Variants in PTPRR observed in about 807,000 individuals in gnomAD.
PTPRR encodes the protein protein tyrosine phosphatase receptor type R.
Under a neutral mutation model 77.2 loss-of-function variants are expected in PTPRR, and 38 were observed. The observed-to-expected ratio is 0.49, with a 90% CI of 0.38 to 0.65. The LOEUF (loss-of-function observed/expected upper bound fraction) is 0.65, where lower values mean the gene tolerates loss of function less well. PTPRR is among the 30% of genes least tolerant of loss of function. PTPRR has a pLI of 0.00. For synonymous variants in PTPRR, 299 were observed against 283.1 expected, an observed-to-expected ratio of 1.06 and a Z score of -0.57; for missense variants, 744 against 799.2, an observed-to-expected ratio of 0.93 and a Z score of 0.83.
intron 6 of PTPRR, among the ~76,000 whole-genome samples, chr12:70,712,087 A>T (rs945544169): frequency 6.6e-6 from 1 of 152,090 alleles, no homozygotes; most frequent in African/African-American, 2.4e-5. Context: ...TTCACCTTGG[A>T]ATTTCAGAGT....
At chr12:70,762,419 C>T (rs1890714233) in intron 3 of PTPRR, among the ~76,000 whole-genome samples, 1 of 152,130 alleles carries the variant, frequency 6.6e-6, no homozygotes, top group Non-Finnish European at 1.5e-5. Flanking sequence ...ACATGGAGAG[C>T]TCTCATGCTA....
At chr12:70,818,829 C>CA (rs35521772) in intron 2 of PTPRR, among the ~76,000 whole-genome samples, 68 of 150,656 alleles carry the variant, frequency 4.5e-4, no homozygotes, top group South Asian at 8.4e-4. Flanking sequence ...GTATCTATTC[C>CA]AAAAAAAAAT....
At chr12:70,689,704 G>C (rs1887990996) in intron 8 of PTPRR, among the ~76,000 whole-genome samples, 1 of 152,136 alleles carries the variant, frequency 6.6e-6, no homozygotes, top group South Asian at 2.1e-4. Context: ...GAGGTTCCCT[G>C]CTGGGAGCCT....
intron 2 of PTPRR, among the ~76,000 whole-genome samples, chr12:70,830,118 A>G (rs1353367694): frequency 6.6e-6 from 1 of 152,142 alleles, no homozygotes; most frequent in Non-Finnish European, 1.5e-5. Flanking sequence ...ACAAACAAAA[A>G]AGCGTGCTCC....
chr12:70,744,477 G>A (rs1890149652), intron 6 of PTPRR, among the ~76,000 whole-genome samples: 1 of 152,194 alleles, frequency 6.6e-6, no homozygotes, highest in African/African-American at 2.4e-5. Context: ...TGGAGTCAAA[G>A]GGTTCAGTGT....
At position 70,639,073 on chromosome 12, in the gene PTPRR, G is replaced by A. The variant is rs946971383; in HGVS notation, c.*111C>T. 1.2e-6 allele frequency: 1 copy of A among 851,556 alleles called. No homozygotes were observed. Among genetic ancestry groups the A allele is most frequent in the Admixed American group, 2.1e-5 (1 of 47,028 alleles). 52.8% of individuals were successfully genotyped at this position (851,556 alleles called of 1,614,324 possible). ...CTTCCACAATCCATGCCATACATGG[G>A]CTTCAGAGCTTCTCCTTCCTTCCAT... On this transcript the variant is annotated 3_prime_UTR_variant, in exon 14 of 14. Coordinates refer to ENST00000283228, the MANE Select transcript of PTPRR (RefSeq NM_002849.4).
chr12:70,651,901 T>TAAA (rs34627900), intron 13 of PTPRR, among the ~76,000 whole-genome samples: 4 of 147,662 alleles, frequency 2.7e-5, no homozygotes, highest in African/African-American at 9.9e-5. Context: ...GGTTCCTCAT[T>TAAA]AAAAAAAAAA....
intron 2 of PTPRR, among the ~76,000 whole-genome samples, chr12:70,875,264 A>G (rs1278956708): frequency 6.6e-6 from 1 of 152,242 alleles, no homozygotes; most frequent in East Asian, 1.9e-4. Flanking sequence ...TGTAGAATAC[A>G]AAACAACACA....
intron 2 of PTPRR, among the ~76,000 whole-genome samples, chr12:70,769,427 A>C (rs929980071): frequency 9.2e-5 from 14 of 152,208 alleles, no homozygotes; most frequent in African/African-American, 3.1e-4. Context: ...CAAAGAATAT[A>C]AAATACTTAG....
In PTPRR at chr12:70,861,786, A is replaced by G. The variant is rs746275267; in HGVS notation, c.357+30893T>C. Among the ~76,000 whole-genome samples the G allele has an allele frequency of 3.7e-4, 57 of 152,274 alleles. 1 individual carries two copies. The highest frequency in any genetic ancestry group is 2.5e-4 in the Non-Finnish European group (17 of 68,014). On this transcript the variant is annotated intron_variant, in intron 2 of 13. Coordinates refer to ENST00000283228, the MANE Select transcript of PTPRR (RefSeq NM_002849.4). ...TAAAGGGCCATCAATCTCTTTCTTTATATGAGGATTCATCCAAGCACAACA... is the reference window on the plus strand; with the variant it reads ...TAAAGGGCCATCAATCTCTTTCTTTGTATGAGGATTCATCCAAGCACAACA...
intron 2 of PTPRR, among the ~76,000 whole-genome samples, chr12:70,884,211 C>G (rs1262385957): frequency 6.6e-6 from 1 of 152,176 alleles, no homozygotes; most frequent in Non-Finnish European, 1.5e-5. Context: ...AGTGAGAAAC[C>G]TAAGCATTTT....
chr12:70,735,184 C>T (rs1236910748), intron 6 of PTPRR, among the ~76,000 whole-genome samples: 1 of 152,058 alleles, frequency 6.6e-6, no homozygotes, highest in African/African-American at 2.4e-5. Flanking sequence ...TCTGGACATC[C>T]CCATACAAGT....
intron 2 of PTPRR, among the ~76,000 whole-genome samples, chr12:70,878,647 T>C (rs1202193250): frequency 6.6e-6 from 1 of 152,214 alleles, no homozygotes; most frequent in Non-Finnish European, 1.5e-5. Context: ...TTTTACACTG[T>C]TGGTGGGACT....
At chr12:70,801,405 T>C (rs1055773890) in intron 2 of PTPRR, among the ~76,000 whole-genome samples, 1 of 152,204 alleles carries the variant, frequency 6.6e-6, no homozygotes, top group African/African-American at 2.4e-5. Flanking sequence ...CTCCCCATTG[T>C]GGGTTGGCTT....
At chr12:70,806,392 C>CAT (rs1891710072) in intron 2 of PTPRR, among the ~76,000 whole-genome samples, 1 of 152,054 alleles carries the variant, frequency 6.6e-6, no homozygotes, top group Non-Finnish European at 1.5e-5. Flanking sequence ...TAGATATTGG[C>CAT]ATATATACAA....
chr12:70,822,963 G>A (rs1466755336), intron 2 of PTPRR, among the ~76,000 whole-genome samples: 2 of 151,132 alleles, frequency 1.3e-5, no homozygotes, highest in African/African-American at 4.9e-5. Flanking sequence ...TTCCTCTAAA[G>A]CCCAATTAAA....
At chr12:70,881,386 A>G (rs1317887946) in intron 2 of PTPRR, among the ~76,000 whole-genome samples, 3 of 152,162 alleles carry the variant, frequency 2.0e-5, no homozygotes, top group African/African-American at 7.2e-5. Flanking sequence ...TGGAATTTTT[A>G]TCACCTGGCT....
intron 2 of PTPRR, chr12:70,788,908 C>G: frequency 1.4e-6 from 2 of 1,473,360 alleles, no homozygotes; most frequent in Non-Finnish European, 1.8e-6. Flanking sequence ...CAGGACTAAT[C>G]GTAAAGCTTT....
intron 6 of PTPRR, among the ~76,000 whole-genome samples, chr12:70,711,899 T>C (rs1242748582): frequency 6.6e-6 from 1 of 152,114 alleles, no homozygotes; most frequent in Non-Finnish European, 1.5e-5. Flanking sequence ...AAATCTACTC[T>C]CTCCAGAGTT....
Sources: gnomAD v4.1 joint callset for allele counts (sites outside exome capture counted in the v4.1 genomes callset) on GRCh38, gnomAD v4.1.1 for gene constraint, MANE v1.5 for transcripts, NCBI Gene and HGNC (gene_info 2026-07-23, HGNC 2026-07-21) for gene names.